The following WDPCP variants were observed in gnomAD, a reference collection of about 807,000 sequenced individuals.
WDPCP encodes WD repeat containing planar cell polarity effector.
In WDPCP, 71 loss-of-function variants were observed where a neutral mutation model predicts 93.1. The ratio of observed to expected loss-of-function variants is 0.76; its 90% CI spans 0.63 to 0.93. The LOEUF (loss-of-function observed/expected upper bound fraction) is 0.93, where lower values mean the gene tolerates loss of function less well. Ranked by LOEUF, WDPCP falls within the 40% of genes least tolerant of loss-of-function variation. The pLI is 0.00. For missense variants in WDPCP, 844 were observed against 887.4 expected (o/e 0.95, Z 0.62); for synonymous variants, 315 against 315.0 (o/e 1.00, Z 0.00).
chr2:63,460,928 T>C (rs1396919348), intron 6 of WDPCP, among the ~76,000 whole-genome samples: 1 of 151,988 alleles, frequency 6.6e-6, no homozygotes, highest in Non-Finnish European at 1.5e-5. Flanking sequence ...GCCCAGCCAC[T>C]AAGTCTCTTA....
intron 13 of WDPCP, among the ~76,000 whole-genome samples, chr2:63,290,366 C>T (rs1385473730): frequency 6.6e-6 from 1 of 152,032 alleles, no homozygotes; most frequent in East Asian, 1.9e-4. Context: ...CATTTACCCC[C>T]TCCTCTGATG....
chr2:63,281,922 A>G (rs1050356385), intron 13 of WDPCP, among the ~76,000 whole-genome samples: 2 of 152,102 alleles, frequency 1.3e-5, no homozygotes, highest in Admixed American at 1.3e-4. Flanking sequence ...AATCACCACT[A>G]AAGAACTTAT....
chr2:63,297,682 C>T (rs1258945414), intron 13 of WDPCP, among the ~76,000 whole-genome samples: 2 of 152,058 alleles, frequency 1.3e-5, no homozygotes, highest in Admixed American at 1.3e-4. Flanking sequence ...GACAGAGATT[C>T]TATAGTGTTA....
At chr2:63,552,562 T>C (rs960514563) in intron 1 of WDPCP, among the ~76,000 whole-genome samples, 3 of 152,162 alleles carry the variant, frequency 2.0e-5, no homozygotes, top group African/African-American at 7.2e-5. Flanking sequence ...GGGGTACATG[T>C]GTGGGTTTGT....
Position 63,259,354 on chromosome 2 carries a change from C to A in WDPCP, c.1868G>T (p.Arg623Ile), listed in dbSNP as rs751528511. ...KGELALAEVARKRASDIDAES... is the reference protein window; with the variant it reads ...KGELALAEVAIKRASDIDAES... ...TGCATCAATGTCACTAGCTCTTTTT[C>A]TTGCCACTTCAGCTAGTGCCAATTC... The change falls in exon 14 of 18, where the codon AGA (arginine) becomes ATA (isoleucine). Residue 623 changes from arginine (R) to isoleucine (I), a missense_variant. Transcript: ENST00000272321. 1 of 1,612,738 alleles carries A rather than the reference C, an allele frequency of 6.2e-7. No individual in the cohort carries two copies. Among genetic ancestry groups the A allele is most frequent in the Non-Finnish European group, 8.5e-7 (1 of 1,179,594 alleles).
intron 2 of WDPCP, among the ~76,000 whole-genome samples, chr2:63,662,082 A>T (rs114818163): frequency 6.6e-6 from 1 of 152,182 alleles, no homozygotes; most frequent in Non-Finnish European, 1.5e-5. Flanking sequence ...TAATCTTTTC[A>T]TGTTAAATAC....
chr2:63,154,060 C>G (rs942965762), intron 15 of WDPCP, among the ~76,000 whole-genome samples: 1 of 151,728 alleles, frequency 6.6e-6, no homozygotes, highest in African/African-American at 2.4e-5. Flanking sequence ...AGCTCCACTA[C>G]TTATTATTAT....
intron 3 of WDPCP, among the ~76,000 whole-genome samples, chr2:63,649,448 T>A (rs1444378615): frequency 6.6e-6 from 1 of 152,252 alleles, no homozygotes; most frequent in East Asian, 1.9e-4. Context: ...CATTCATTAG[T>A]TGATAGTCAC....
intron 12 of WDPCP, among the ~76,000 whole-genome samples, chr2:63,321,875 T>C (rs910514992): frequency 2.6e-5 from 4 of 152,226 alleles, no homozygotes; most frequent in Non-Finnish European, 5.9e-5. Context: ...GAGCTCCTTT[T>C]TCTTTATTTC....
chr2:63,808,483 G>C (rs1049665990), intron 2 of WDPCP, among the ~76,000 whole-genome samples: 6 of 152,178 alleles, frequency 3.9e-5, no homozygotes, highest in African/African-American at 1.2e-4. Flanking sequence ...CTGCGATTGC[G>C]GGCACGCGCT....
chr2:63,762,693 T>C (rs575575121), intron 2 of WDPCP, among the ~76,000 whole-genome samples: 1 of 152,302 alleles, frequency 6.6e-6, no homozygotes, highest in African/African-American at 2.4e-5. Context: ...AGCTCAGATC[T>C]TTTTCTCGTC....
chr2:63,221,639 G>T (rs1441040993), intron 14 of WDPCP, among the ~76,000 whole-genome samples: 1 of 152,142 alleles, frequency 6.6e-6, no homozygotes, highest in African/African-American at 2.4e-5. Context: ...CTTTGCTGGA[G>T]CTTTTTAAAA....
rs189276662 is a variant in WDPCP, at chr2:63,513,555, A to G, written c.76-20615T>C. ...CCCCCAAAAGTGATTCACGGAAACCAGAATTCCTCTTCCTCAAGTGTCATA... is the reference window on the plus strand; with the variant it reads ...CCCCCAAAAGTGATTCACGGAAACCGGAATTCCTCTTCCTCAAGTGTCATA... On this transcript the variant is annotated intron_variant, in intron 1 of 17. Transcript: ENST00000272321. Among the ~76,000 whole-genome samples, 62 of 152,292 alleles carry G rather than the reference A, an allele frequency of 4.1e-4. 1 individual carries two copies. The East Asian group carries it at 0.01, about 25-fold the overall frequency.
intron 6 of WDPCP, among the ~76,000 whole-genome samples, chr2:63,457,115 C>A (rs561809356): frequency 6.6e-6 from 1 of 151,946 alleles, no homozygotes; most frequent in Middle Eastern, 3.4e-3. Context: ...AAAGAGAAGA[C>A]CCAGATAAAA....
intron 1 of WDPCP, among the ~76,000 whole-genome samples, chr2:63,570,966 C>T (rs957968482): frequency 6.6e-6 from 1 of 151,482 alleles, no homozygotes; most frequent in African/African-American, 2.4e-5. Context: ...AGTGCAGTGG[C>T]ACGATCTCAG....
At position 63,165,810 on chromosome 2, in the gene WDPCP, C is replaced by T. The variant is rs151073110; in HGVS notation, c.2078+8860G>A. On this transcript the variant is annotated intron_variant, in intron 15 of 17. Coordinates refer to ENST00000272321, the MANE Select transcript of WDPCP (RefSeq NM_015910.7). Reference sequence around the variant, plus strand: ...GTTTAAATGGTTAATTTCTCCCTTCCTCCCTCTGCCATTTCTTAATTTTGT... The same window carrying T: ...GTTTAAATGGTTAATTTCTCCCTTCTTCCCTCTGCCATTTCTTAATTTTGT... 1.8e-3 allele frequency among the ~76,000 whole-genome samples: 273 copies of T among 151,808 alleles called. 2 individuals carry two copies. The highest frequency in any genetic ancestry group is 6.2e-3 in the African/African-American group (255 of 41,400).
At chr2:63,154,967 T>G (rs951090300) in intron 15 of WDPCP, among the ~76,000 whole-genome samples, 2 of 152,216 alleles carry the variant, frequency 1.3e-5, no homozygotes, top group Admixed American at 1.3e-4. Flanking sequence ...GTCCAAGTCT[T>G]TTGACCACTG....
chr2:63,573,031 G>A (rs1047427279), intron 1 of WDPCP, among the ~76,000 whole-genome samples: 3 of 152,044 alleles, frequency 2.0e-5, no homozygotes, highest in Admixed American at 6.6e-5. Flanking sequence ...AGGACTGACT[G>A]GGGCCAAGAG....
chr2:63,121,812 A>T lies in WDPCP; in HGVS notation c.*194T>A. On this transcript the variant is annotated 3_prime_UTR_variant, in exon 18 of 18. Transcript: ENST00000272321. Reference sequence around the variant, plus strand: ...AGGTTGAAGACTTTTACTTACGATCACTTTGCTGTTATGCTGCATGTTTTT... The same window carrying T: ...AGGTTGAAGACTTTTACTTACGATCTCTTTGCTGTTATGCTGCATGTTTTT... 7.5e-7 allele frequency: 1 copy of T among 1,331,034 alleles called. No homozygotes were observed. Among genetic ancestry groups the T allele is most frequent in the South Asian group, 2.2e-5 (1 of 46,496 alleles). The allele number at this position is 1,331,034 out of a possible 1,614,324, so 82.5% of individuals were successfully genotyped here. A position where few individuals can be genotyped will look rare whatever the true frequency, so the allele number is the denominator to read the frequency against.
Sources: gnomAD v4.1 joint callset for allele counts (sites outside exome capture counted in the v4.1 genomes callset) on GRCh38, gnomAD v4.1.1 for gene constraint, MANE v1.5 for transcripts, NCBI Gene and HGNC (gene_info 2026-07-23, HGNC 2026-07-21) for gene names.